TMEM181: variants seen among roughly 807,000 people sequenced by gnomAD.
The protein encoded by TMEM181 is transmembrane protein 181.
Under a neutral mutation model 71.9 loss-of-function variants are expected in TMEM181, and 39 were observed. The observed-to-expected ratio is 0.54, with a 90% CI of 0.42 to 0.71. The LOEUF (loss-of-function observed/expected upper bound fraction) is 0.71. Ranked by LOEUF, TMEM181 falls within the 30% of genes least tolerant of loss-of-function variation. The pLI is 0.00. For missense variants in TMEM181, 595 were observed against 583.0 expected, an observed-to-expected ratio of 1.02 and a Z score of -0.21; for synonymous variants, 245 against 228.8, an observed-to-expected ratio of 1.07 and a Z score of -0.64.
intron 10 of TMEM181, among the ~76,000 whole-genome samples, chr6:158,621,219 C>T (rs1162067083): frequency 6.6e-6 from 1 of 152,202 alleles, no homozygotes; most frequent in African/African-American, 2.4e-5. Context: ...AAGAGACTTT[C>T]CCCTCTCTGT....
At chr6:158,602,563 A>G (rs555580494) in intron 6 of TMEM181, among the ~76,000 whole-genome samples, 3 of 152,086 alleles carry the variant, frequency 2.0e-5, no homozygotes, top group South Asian at 2.1e-4. Flanking sequence ...TGGCTGTTCT[A>G]ATCGGTGTAT....
At chr6:158,542,666 G>A (rs961452302) in intron 1 of TMEM181, among the ~76,000 whole-genome samples, 5 of 152,024 alleles carry the variant, frequency 3.3e-5, no homozygotes, top group Admixed American at 3.3e-4. Flanking sequence ...ATGCAGTGAC[G>A]TGACCTCGGC....
chr6:158,543,807 C>A (rs967523004), intron 1 of TMEM181, among the ~76,000 whole-genome samples: 3 of 152,178 alleles, frequency 2.0e-5, no homozygotes, highest in Admixed American at 6.6e-5. Flanking sequence ...GTTAGGACTT[C>A]AGCATCTTTT....
At chr6:158,619,300 G>A (rs992180972) in intron 10 of TMEM181, among the ~76,000 whole-genome samples, 21 of 152,148 alleles carry the variant, frequency 1.4e-4, no homozygotes, top group African/African-American at 4.1e-4. Flanking sequence ...ACTGAAGCTT[G>A]TGCATGCGTC....
At chr6:158,586,605 C>T (rs571467034) in intron 5 of TMEM181, among the ~76,000 whole-genome samples, 2 of 152,292 alleles carry the variant, frequency 1.3e-5, no homozygotes, top group South Asian at 4.1e-4. Context: ...ACCATGGATA[C>T]TGCCTAGTTA....
intron 1 of TMEM181, among the ~76,000 whole-genome samples, chr6:158,571,598 A>G (rs542435469): frequency 6.6e-6 from 1 of 152,332 alleles, no homozygotes; most frequent in African/African-American, 2.4e-5. Flanking sequence ...GCGCCCGGCC[A>G]TCTGCAGTGT....
intron 13 of TMEM181, among the ~76,000 whole-genome samples, chr6:158,626,075 C>T (rs558468095): frequency 1.9e-4 from 29 of 152,306 alleles, no homozygotes; most frequent in Non-Finnish European, 3.5e-4. Flanking sequence ...CTGGGGACCT[C>T]GGGATCCTTG....
At chr6:158,559,431 A>C (rs1562619250), upstream of TMEM181, among the ~76,000 whole-genome samples, 1 of 152,250 alleles carries the variant, frequency 6.6e-6, no homozygotes, top group Non-Finnish European at 1.5e-5. Context: ...TTAAACCCAC[A>C]GCACACGGGA....
chr6:158,617,547 C>G (rs1488945647), intron 10 of TMEM181, among the ~76,000 whole-genome samples: 2 of 152,108 alleles, frequency 1.3e-5, no homozygotes, highest in Non-Finnish European at 2.9e-5. Flanking sequence ...TCTTGCTTCT[C>G]TAGTTCTTTT....
Position 158,585,390 on chromosome 6 carries a change from G to C in TMEM181, c.346G>C (p.Val116Leu). The C allele has an allele frequency of 4.3e-6, 7 of 1,611,864 alleles. No homozygotes were observed. Among genetic ancestry groups the C allele is most frequent in the Non-Finnish European group, 5.9e-6 (7 of 1,179,560 alleles). The change falls in exon 5 of 17, where the codon GTT becomes CTT. Residue 116 changes from valine (V) to leucine (L), a missense_variant. Physicochemically the swap from Val to Leu is conservative, Grantham distance 32 (BLOSUM62 1). Transcript: ENST00000684151. ...AACCACGATGTACATTCATAACAAA[G>C]TTCACAACCGGACAAGGACCCTCAC... ...DGTTMYIHNK[V>L]HNRTRTLTCA...
intron 3 of TMEM181, among the ~76,000 whole-genome samples, chr6:158,581,615 G>C (rs1376343846): frequency 6.6e-6 from 1 of 151,792 alleles, no homozygotes; most frequent in African/African-American, 2.4e-5. Context: ...TTAGCTGGGC[G>C]TGGTGGGGGG....
At chr6:158,625,250 G>A (rs778623044) in intron 12 of TMEM181, 44 bp downstream of exon 12, 21 of 1,544,948 alleles carry the variant, frequency 1.4e-5, no homozygotes, top group African/African-American at 2.7e-5. Context: ...GCTTGGGAGT[G>A]ACTCAGGTGG....
chr6:158,605,885 A>G (rs1784923117), intron 7 of TMEM181, among the ~76,000 whole-genome samples: 1 of 152,110 alleles, frequency 6.6e-6, no homozygotes, highest in African/African-American at 2.4e-5. Flanking sequence ...CCAGAGCCCC[A>G]GTCTGCAAAG....
intron 2 of TMEM181, among the ~76,000 whole-genome samples, chr6:158,579,743 AAAAT>A (rs1243488876): frequency 1.3e-5 from 2 of 152,152 alleles, no homozygotes; most frequent in African/African-American, 2.4e-5. Flanking sequence ...ACAAAAAACA[AAAAT>A]AAGGAAATTC....
At chr6:158,537,571 G>C (rs1336666688) in intron 1 of TMEM181, among the ~76,000 whole-genome samples, 1 of 152,170 alleles carries the variant, frequency 6.6e-6, no homozygotes, top group Non-Finnish European at 1.5e-5. Context: ...GGAGGGGAAG[G>C]AAAGTCTGTT....
chr6:158,590,934 C>T (rs1018967095), intron 6 of TMEM181, among the ~76,000 whole-genome samples: 1 of 152,212 alleles, frequency 6.6e-6, no homozygotes, highest in Non-Finnish European at 1.5e-5. Context: ...CTGGACATTT[C>T]GTGTGAATGG....
At chr6:158,560,815 CTT>C (rs10708542) in intron 1 of TMEM181, among the ~76,000 whole-genome samples, 282 of 147,026 alleles carry the variant, frequency 1.9e-3, no homozygotes, top group African/African-American at 5.3e-3. Flanking sequence ...TGACTTTGGG[CTT>C]TTTTTTTTTT....
intron 6 of TMEM181, among the ~76,000 whole-genome samples, chr6:158,602,998 C>T (rs1358944311): frequency 6.6e-6 from 1 of 152,162 alleles, no homozygotes; most frequent in African/African-American, 2.4e-5. Flanking sequence ...TAATGTTCTT[C>T]CCTCTCCCCA....
intron 1 of TMEM181, among the ~76,000 whole-genome samples, chr6:158,563,757 A>G (rs1782324192): frequency 6.6e-6 from 1 of 152,170 alleles, no homozygotes; most frequent in Non-Finnish European, 1.5e-5. Flanking sequence ...ACCATTGTTT[A>G]TTAAATTGTG....
Sources: allele counts gnomAD v4.1 joint callset (sites outside exome capture counted in the v4.1 genomes callset), GRCh38; gene constraint gnomAD v4.1.1; transcripts MANE v1.5; gene names NCBI Gene and HGNC (gene_info 2026-07-23, HGNC 2026-07-21).